The following DEAF1 variants were observed in gnomAD, a reference collection of about 807,000 sequenced individuals.
DEAF1 encodes the protein deformed epidermal autoregulatory factor 1 homolog.
In DEAF1, 53 loss-of-function variants were observed where a neutral mutation model predicts 58.9. The ratio of observed to expected loss-of-function variants is 0.90; its 90% confidence interval spans 0.72 to 1.13. The LOEUF is 1.13. Among genes scored for constraint, DEAF1 ranks in the 50% most tolerant of loss-of-function variants. The pLI is 0.00. For synonymous variants in DEAF1, 385 were observed against 340.4 expected, an observed-to-expected ratio of 1.13 and a Z score of -1.44; for missense variants, 685 against 791.4, an observed-to-expected ratio of 0.87 and a Z score of 1.61.
Position 644,584 on chromosome 11 carries a change from A to G in DEAF1, c.1664T>C (p.Val555Ala). 2 of 1,613,272 alleles carry G rather than the reference A, an allele frequency of 1.2e-6. No individual in the cohort carries two copies. Among genetic ancestry groups the G allele is most frequent in the Non-Finnish European group, 1.7e-6 (2 of 1,179,992 alleles). ...AVTVQADEVH[V>A]AESVMEKVTV is the part of the protein sequence containing the mutation. ...CACCTTCTCCATCACGCTTTCAGCC[A>G]CGTGGACTTCGTCTGCCTGGACGGT... Residue 555 changes from valine to alanine, a missense_variant, in exon 12 of 12, where the codon GTG (valine) becomes GCG (alanine). Val to Ala is a moderately conservative substitution (Grantham distance 64, BLOSUM62 0). This residue lies in a region of DEAF1 where 343 missense variants were observed against 379.8 expected (regional missense o/e 0.90). Coordinates refer to ENST00000382409, the MANE Select transcript of DEAF1 (RefSeq NM_021008.4). This position sits in a 1 kb window ranked among gnomAD's most constrained non-coding sequence, Gnocchi z 4.3.
chr11:693,856 C>T (rs866506584), intron 1 of DEAF1, among the ~76,000 whole-genome samples: 4 of 152,206 alleles, frequency 2.6e-5, no homozygotes, highest in African/African-American at 9.7e-5. Context: ...ACAGCAGCCT[C>T]CCCAAAGGAA....
At chr11:702,910 G>T (rs750578521) in intron 1 of DEAF1, 1 of 1,553,992 alleles carries the variant, frequency 6.4e-7, no homozygotes, top group Admixed American at 1.8e-5. Flanking sequence ...GGAGCGCCTC[G>T]CACCACCTTC....
At chr11:681,887 A>G (rs951535830) in intron 6 of DEAF1, among the ~76,000 whole-genome samples, 2 of 152,032 alleles carry the variant, frequency 1.3e-5, no homozygotes, top group Admixed American at 1.3e-4. Context: ...TCTCCAGGCA[A>G]TTTCTGTTGC....
rs547894097 is a variant in DEAF1 at position 693,082 on chromosome 11, G to A, written c.290-1484C>T. 3.3e-5 allele frequency among the ~76,000 whole-genome samples: 5 copies of A among 152,320 alleles called. No homozygotes were observed. In the South Asian group the frequency reaches 1.0e-3, roughly 32 times the overall value. ...TAAACCTGGAAACCACTTGACGTCA[G>A]CTGTTCGTAATTTTTAAAAAGTATT... On this transcript the variant is annotated intron_variant, in intron 1 of 11. Transcript: ENST00000382409.
At chr11:664,339 C>A (rs1859443601) in intron 10 of DEAF1, among the ~76,000 whole-genome samples, 1 of 151,922 alleles carries the variant, frequency 6.6e-6, no homozygotes, top group African/African-American at 2.4e-5. Flanking sequence ...GAAGCAGTAT[C>A]CACCCCAAGC....
intron 9 of DEAF1, 80 bp downstream of exon 9, chr11:678,614 C>T: frequency 6.2e-7 from 1 of 1,601,914 alleles, no homozygotes; most frequent in Non-Finnish European, 8.5e-7. Flanking sequence ...AAAATGAATC[C>T]CATTTCACTT....
chr11:644,283 C>A lies in DEAF1; in HGVS notation c.*267G>T. 1 of 571,200 alleles carries A rather than the reference C, an allele frequency of 1.8e-6. No homozygotes were observed. Among genetic ancestry groups the A allele is most frequent in the African/African-American group, 1.9e-5 (1 of 53,384 alleles). The allele number at this position is 571,200 out of a possible 1,614,324, so 35.4% of individuals were successfully genotyped here. A position where few individuals can be genotyped will look rare whatever the true frequency, so the allele number is the denominator to read the frequency against. ...ACACAACACGTATGTATGTGCGTCG[C>A]AGCACAGGCCCTGTGGGCAAGACCG... is the stretch of plus-strand genomic sequence containing the variant. On this transcript the variant is annotated 3_prime_UTR_variant, in exon 12 of 12. Transcript: ENST00000382409. This position sits in a 1 kb window ranked among gnomAD's most constrained non-coding sequence, Gnocchi z 4.3.
In DEAF1 at chr11:648,460, G is replaced by A. The variant is rs569030707; in HGVS notation, c.1594-3806C>T. On this transcript the variant is annotated intron_variant, in intron 11 of 11. Coordinates refer to ENST00000382409, the MANE Select transcript of DEAF1 (RefSeq NM_021008.4). ...TCCGCCCGCCTCGGCCTCCCAAAGT[G>A]CTGGGATTACAGGCGTGAGCCACCG... Among the ~76,000 whole-genome samples the A allele has an allele frequency of 2.6e-5, 4 of 152,316 alleles. No homozygotes were observed. The East Asian group carries it at 7.7e-4, about 29-fold the overall frequency.
intron 1 of DEAF1, among the ~76,000 whole-genome samples, chr11:701,406 CTTTTT>C (rs71022955): frequency 1.5e-5 from 1 of 64,898 alleles, no homozygotes; most frequent in East Asian, 5.7e-4. Flanking sequence ...GACAAGGTTT[CTTTTT>C]TTTTTTTTTT....
intron 10 of DEAF1, among the ~76,000 whole-genome samples, chr11:665,075 G>C (rs1253042165): frequency 2.2e-4 from 25 of 113,050 alleles, no homozygotes; most frequent in South Asian, 3.8e-4. Context: ...GTCACACTCG[G>C]TCACTCTGAG....
intron 9 of DEAF1, 50 bp downstream of exon 9, chr11:678,644 G>A (rs1029163889): frequency 3.1e-6 from 5 of 1,612,070 alleles, no homozygotes; most frequent in Admixed American, 1.7e-5. Flanking sequence ...TTCATTGGAA[G>A]CAATTCTGAG....
chr11:654,148 TCCC>T, intron 10 of DEAF1, 97 bp from the exon 11 acceptor site: 1 of 823,964 alleles, frequency 1.2e-6, no homozygotes, highest in Non-Finnish European at 2.0e-6. Flanking sequence ...GGCCCCAAGT[TCCC>T]CCCATTGGAC....
chr11:701,945 G>C (rs796665063), intron 1 of DEAF1, among the ~76,000 whole-genome samples: 3 of 152,316 alleles, frequency 2.0e-5, no homozygotes, highest in African/African-American at 7.2e-5. Flanking sequence ...CCCTCTGCGT[G>C]CTCATGGTCG....
chr11:659,889 C>T (rs775606272), intron 10 of DEAF1, among the ~76,000 whole-genome samples: 2 of 152,178 alleles, frequency 1.3e-5, no homozygotes, highest in Non-Finnish European at 2.9e-5. Flanking sequence ...AGCCGTGAAC[C>T]GGAAGCTGGG....
chr11:651,730 C>T lies in DEAF1; in HGVS notation c.1593+2232G>A, dbSNP rs141497704. ...TGAAACCCTGTCTCTACTAAAAATA[C>T]AAAAAATCAGCCGGGCGTGGTGGCG... On this transcript the variant is annotated intron_variant, in intron 11 of 11. Coordinates refer to ENST00000382409, the MANE Select transcript of DEAF1 (RefSeq NM_021008.4). Among the ~76,000 whole-genome samples, 141 of 152,146 alleles carry T rather than the reference C, an allele frequency of 9.3e-4. 1 individual carries two copies. Among genetic ancestry groups the T allele is most frequent in the African/African-American group, 3.2e-3 (133 of 41,532 alleles).
chr11:651,880 C>T (rs1016502043), intron 11 of DEAF1, among the ~76,000 whole-genome samples: 2 of 150,094 alleles, frequency 1.3e-5, no homozygotes, highest in African/African-American at 5.1e-5. Context: ...AGCGAGACTC[C>T]GTCTCAAAAA....
chr11:653,994 C>G lies in DEAF1; in HGVS notation c.1561G>C (p.Val521Leu). ...AMSECTGCHK[V>L]NYCSTFCQRK... is the part of the protein sequence containing the mutation. ...TGGCAGAAGGTGGAGCAGTAGTTGA[C>G]CTTGTGGCAGCCGGTGCACTCGCTC... Residue 521 changes from valine to leucine, a missense_variant, in exon 11 of 12, where the codon GTC becomes CTC. By Grantham distance (32) the Val-to-Leu change is conservative. Around this residue, in one of 3 missense-constraint regions of DEAF1, gnomAD observed 343 missense variants for 379.8 expected, o/e 0.90. Coordinates refer to ENST00000382409, the MANE Select transcript of DEAF1 (RefSeq NM_021008.4). 1 of 1,613,896 alleles carries G rather than the reference C, an allele frequency of 6.2e-7. No homozygotes were observed. Among genetic ancestry groups the G allele is most frequent in the Non-Finnish European group, 8.5e-7 (1 of 1,179,980 alleles).
intron 1 of DEAF1, chr11:700,820 A>G: frequency 9.9e-7 from 1 of 1,012,810 alleles, no homozygotes. Context: ...TTTTTTATCC[A>G]AACTGCTTAC....
At chr11:703,620 C>T (rs1190473706) in intron 1 of DEAF1, 11 of 1,232,720 alleles carry the variant, frequency 8.9e-6, no homozygotes, top group Non-Finnish European at 1.1e-5. Flanking sequence ...CCTGTGTTTC[C>T]AAGTCGGGCT....
Sources: allele counts gnomAD v4.1 joint callset (sites outside exome capture counted in the v4.1 genomes callset), GRCh38; gene constraint gnomAD v4.1.1; regional missense constraint gnomAD v4.1.1; non-coding constraint Gnocchi (gnomAD v3.1); transcripts MANE v1.5; gene names NCBI Gene and HGNC (gene_info 2026-07-23, HGNC 2026-07-21).